Variants in PAXBP1 observed in about 807,000 individuals in gnomAD.
PAXBP1 encodes PAX3 and PAX7 binding protein 1, also known as PAX3- and PAX7-binding protein 1.
In PAXBP1, 44 loss-of-function variants were observed where a neutral mutation model predicts 119.9. The ratio of observed to expected loss-of-function variants is 0.37; its 90% CI spans 0.29 to 0.47. The LOEUF is 0.47. Ranked by LOEUF, PAXBP1 falls within the 20% of genes least tolerant of loss-of-function variation. The pLI is 0.99. For missense variants in PAXBP1, 898 were observed against 1,134.1 expected, an observed-to-expected ratio of 0.79 and a Z score of 2.99; for synonymous variants, 393 against 406.6, an observed-to-expected ratio of 0.97 and a Z score of 0.40.
At chr21:32,771,304 G>C (rs781042361) in intron 1 of PAXBP1, 22 bp downstream of exon 1, 2 of 1,565,764 alleles carry the variant, frequency 1.3e-6, no homozygotes, top group Non-Finnish European at 1.7e-6. Flanking sequence ...CCGTCTAAGG[G>C]CGTCCGAAGC....
chr21:32,771,679 C>A lies in PAXBP1; in HGVS notation c.-11G>T. 7.2e-7 allele frequency: 1 copy of A among 1,394,780 alleles called. No individual in the cohort carries two copies. Among genetic ancestry groups the A allele is most frequent in the South Asian group, 1.5e-5 (1 of 65,536 alleles). The allele number at this position is 1,394,780 out of a possible 1,614,324, so 86.4% of individuals were successfully genotyped here. On this transcript the variant is annotated 5_prime_UTR_variant, in exon 1 of 18. Coordinates refer to ENST00000331923, the MANE Select transcript of PAXBP1 (RefSeq NM_016631.4). ...GGCCTTTCGGAACATCCCCGCGGCC[C>A]GCACGGCGGTCGAATACTCGCTTCC... is the stretch of plus-strand genomic sequence containing the variant.
chr21:32,738,009 CT>C (rs1048701128), intron 16 of PAXBP1, among the ~76,000 whole-genome samples, 163 bp downstream of exon 16: 2 of 151,822 alleles, frequency 1.3e-5, no homozygotes, highest in African/African-American at 2.4e-5. Context: ...GTAAAAAATG[CT>C]GTAGGGGGTT....
At chr21:32,766,837 C>T (rs987047362) in intron 2 of PAXBP1, among the ~76,000 whole-genome samples, 1 of 152,214 alleles carries the variant, frequency 6.6e-6, no homozygotes, top group Non-Finnish European at 1.5e-5. Flanking sequence ...TCAAGAGAAA[C>T]GCTGGGCAAT....
At chr21:32,738,944 CCT>C (rs1330682066) in intron 15 of PAXBP1, among the ~76,000 whole-genome samples, 1 of 152,138 alleles carries the variant, frequency 6.6e-6, no homozygotes, top group African/African-American at 2.4e-5. Flanking sequence ...TCATTCCTGA[CCT>C]CTCTCTCAAG....
chr21:32,746,580 A>G (rs1197719301), intron 11 of PAXBP1, among the ~76,000 whole-genome samples: 1 of 152,216 alleles, frequency 6.6e-6, no homozygotes, highest in Non-Finnish European at 1.5e-5. Flanking sequence ...CAGAATGGGA[A>G]TTATTTAAAA....
chr21:32,737,808 T>A (rs1256534720), intron 16 of PAXBP1, among the ~76,000 whole-genome samples: 1 of 152,142 alleles, frequency 6.6e-6, no homozygotes, highest in Non-Finnish European at 1.5e-5. Context: ...CTGCAATAAT[T>A]CCACGAATAG....
intron 7 of PAXBP1, 71 bp downstream of exon 7, chr21:32,759,009 T>TG: frequency 7.0e-7 from 1 of 1,429,556 alleles, no homozygotes. Context: ...TTATAGAATG[T>TG]TCTACACAAG....
chr21:32,739,869 C>T (rs1428890395), intron 15 of PAXBP1, among the ~76,000 whole-genome samples: 1 of 137,670 alleles, frequency 7.3e-6, no homozygotes, highest in Non-Finnish European at 1.5e-5. Flanking sequence ...CTTTGGGAGG[C>T]CAAGGAAGGA....
chr21:32,751,647 A>C (rs1435774643), intron 8 of PAXBP1: 2 of 154,216 alleles, frequency 1.3e-5, no homozygotes, highest in Non-Finnish European at 2.9e-5. Flanking sequence ...GGAAGACATA[A>C]GAAAACAGCT....
At chr21:32,767,884 G>A (rs989115224) in intron 2 of PAXBP1, among the ~76,000 whole-genome samples, 5 of 152,128 alleles carry the variant, frequency 3.3e-5, no homozygotes, top group Non-Finnish European at 5.9e-5. Flanking sequence ...CACTTATCCT[G>A]ACCTTTCTTT....
At position 32,735,027 on chromosome 21, in the gene PAXBP1, G is replaced by C; in HGVS notation, c.2677C>G (p.Arg893Gly). The C allele has an allele frequency of 1.2e-6, 2 of 1,613,632 alleles. No homozygotes were observed. Among genetic ancestry groups the C allele is most frequent in the Non-Finnish European group, 1.7e-6 (2 of 1,179,788 alleles). The change falls in exon 18 of 18, where the codon CGA becomes GGA. Residue 893 changes from arginine to glycine, a missense_variant. Arg to Gly is a moderately radical substitution (Grantham distance 125). Transcript: ENST00000331923. ...KQIVKLLASVRALDHAMSVAS... is the reference protein window; with the variant it reads ...KQIVKLLASVGALDHAMSVAS... ...ACAGACATAGCATGATCCAAAGCTC[G>C]AACACTTGCAAGGAGTTTTACTATC... is the stretch of plus-strand genomic sequence containing the variant.
At chr21:32,741,514 A>G (rs1389679778) in intron 15 of PAXBP1, 1 of 778,128 alleles carries the variant, frequency 1.3e-6, no homozygotes, top group Non-Finnish European at 2.4e-6. Context: ...ACTGCTCAAG[A>G]GAAGACAACA....
intron 11 of PAXBP1, among the ~76,000 whole-genome samples, chr21:32,746,958 C>CATT (rs2043882079): frequency 6.6e-6 from 1 of 151,930 alleles, no homozygotes; most frequent in Admixed American, 6.6e-5. Flanking sequence ...AGCTAGAAGC[C>CATT]ATTATCCTCA....
intron 1 of PAXBP1, 111 bp downstream of exon 1, chr21:32,771,215 G>T: frequency 9.7e-7 from 1 of 1,035,150 alleles, no homozygotes; most frequent in Non-Finnish European, 1.3e-6. Flanking sequence ...GGACGGCAGG[G>T]GACTCCGTTC....
intron 15 of PAXBP1, among the ~76,000 whole-genome samples, chr21:32,739,343 C>T (rs1403833680): frequency 2.0e-5 from 3 of 152,148 alleles, no homozygotes; most frequent in African/African-American, 7.2e-5. Flanking sequence ...AATGGAATGA[C>T]CTTGTGCAGG....
chr21:32,759,016 C>A, intron 7 of PAXBP1, 64 bp downstream of exon 7: 1 of 1,479,678 alleles, frequency 6.8e-7, no homozygotes, highest in Non-Finnish European at 9.3e-7. Flanking sequence ...ATGTTCTACA[C>A]AAGGCCATCT....
chr21:32,762,894 A>T, intron 3 of PAXBP1, among the ~76,000 whole-genome samples: 1 of 149,954 alleles, frequency 6.7e-6, no homozygotes, highest in Admixed American at 6.6e-5. Context: ...CTGGGCAACA[A>T]GAGCACAACT....
At chr21:32,750,456 A>C (rs2043941821) in intron 10 of PAXBP1, among the ~76,000 whole-genome samples, 1 of 152,226 alleles carries the variant, frequency 6.6e-6, no homozygotes, top group Non-Finnish European at 1.5e-5. Flanking sequence ...CAATGGTGGG[A>C]AATGAAGACT....
In PAXBP1 at chr21:32,760,110, G is replaced by A. The variant is rs1601603965; in HGVS notation, c.976-116C>T. On this transcript the variant is annotated intron_variant, in intron 5 of 17. Transcript: ENST00000331923. ...ATTATACCTATTTGCCAAATATTAT[G>A]TAATAATTGCAGAATTCTTCAAAAT... is the stretch of plus-strand genomic sequence containing the variant. The A allele has an allele frequency of 5.5e-6, 4 of 731,584 alleles. No homozygotes were observed. In the East Asian group the frequency reaches 1.1e-4, roughly 20 times the overall value. 45.3% of individuals were successfully genotyped at this position (731,584 alleles called of 1,614,324 possible). A position where few individuals can be genotyped will look rare whatever the true frequency, so the allele number is the denominator to read the frequency against.
Sources: gnomAD v4.1 joint callset for allele counts (sites outside exome capture counted in the v4.1 genomes callset) on GRCh38, gnomAD v4.1.1 for gene constraint, MANE v1.5 for transcripts, NCBI Gene and HGNC (gene_info 2026-07-23, HGNC 2026-07-21) for gene names.